SNRPN: variants seen among roughly 807,000 people sequenced by gnomAD.
SNRPN encodes the protein small nuclear ribonucleoprotein-associated protein N.
In SNRPN, 7 loss-of-function variants were observed where a neutral mutation model predicts 25.2. That is an observed-to-expected ratio of 0.28 (90% CI 0.16 to 0.52). The LOEUF (loss-of-function observed/expected upper bound fraction) is 0.52, where lower values mean the gene tolerates loss of function less well. Among genes scored for constraint, SNRPN ranks in the 20% least tolerant of loss-of-function variants. The probability of loss-of-function intolerance (pLI) is 0.96; values close to 1 mark genes in which losing one functional copy is unlikely to be tolerated. For missense variants in SNRPN, 196 were observed against 322.5 expected, an observed-to-expected ratio of 0.61 and a Z score of 3.00; for synonymous variants, 124 against 110.6, an observed-to-expected ratio of 1.12 and a Z score of -0.76.
intron 2 of SNRPN, among the ~76,000 whole-genome samples, chr15:24,901,543 C>G (rs1028347267): frequency 6.6e-6 from 1 of 152,132 alleles, no homozygotes; most frequent in East Asian, 1.9e-4. Flanking sequence ...AGAATGTCAT[C>G]GTGTTCTACC....
At chr15:24,866,230 A>G (rs113957713) in intron 1 of SNRPN, among the ~76,000 whole-genome samples, 1 of 151,802 alleles carries the variant, frequency 6.6e-6, no homozygotes, top group African/African-American at 2.4e-5. Flanking sequence ...TTCAGTTAAT[A>G]TGTCTCCATT....
chr15:24,847,713 C>A lies in SNRPN; in HGVS notation c.-579+17808C>A, dbSNP rs1298036409. ...ATAACCATTCCCAGTAAACACTCAG[C>A]GAGTCCTGGCCCATGCCCACTTTTC... On this transcript the variant is annotated intron_variant, in intron 2 of 12. Transcript: ENST00000400100. 2.0e-5 allele frequency among the ~76,000 whole-genome samples: 3 copies of A among 152,160 alleles called. 1 individual carries two copies. The highest frequency in any genetic ancestry group is 4.4e-5 in the Non-Finnish European group (3 of 68,034).
At chr15:24,889,907 G>T (rs1364712486) in intron 2 of SNRPN, among the ~76,000 whole-genome samples, 1 of 151,540 alleles carries the variant, frequency 6.6e-6, no homozygotes, top group Non-Finnish European at 1.5e-5. Flanking sequence ...AAAATTAGCC[G>T]GGTGTGGTGG....
chr15:24,905,800 T>C (rs2058761148), intron 2 of SNRPN, among the ~76,000 whole-genome samples: 1 of 152,112 alleles, frequency 6.6e-6, no homozygotes, highest in Non-Finnish European at 1.5e-5. Flanking sequence ...CTTTAGATGG[T>C]GAAGTTAGGA....
At chr15:24,901,494 C>A (rs1036664244) in intron 2 of SNRPN, among the ~76,000 whole-genome samples, 3 of 152,110 alleles carry the variant, frequency 2.0e-5, no homozygotes, top group African/African-American at 7.2e-5. Context: ...ACCACACGGA[C>A]CATGAAAAGA....
intron 2 of SNRPN, among the ~76,000 whole-genome samples, chr15:24,903,879 C>A (rs1049470204): frequency 6.6e-6 from 1 of 151,826 alleles, no homozygotes; most frequent in Non-Finnish European, 1.5e-5. Context: ...CAAAAACATA[C>A]AAAAAATTGC....
upstream of SNRPN, among the ~76,000 whole-genome samples, chr15:24,949,993 T>TA (rs980606378): frequency 5.0e-4 from 76 of 151,384 alleles, no homozygotes; most frequent in Non-Finnish European, 1.0e-3. Context: ...CCTAACTAAT[T>TA]AAAAAAAAAT....
chr15:24,954,924 G>A (rs548549485), upstream of SNRPN: 2 of 1,418,214 alleles, frequency 1.4e-6, no homozygotes, highest in East Asian at 2.4e-5. Context: ...CGCAGAGGCA[G>A]GCTGGCGCGC....
chr15:24,915,962 G>T (rs1173034333), intron 2 of SNRPN, among the ~76,000 whole-genome samples: 2 of 142,436 alleles, frequency 1.4e-5, no homozygotes, highest in East Asian at 4.2e-4. Context: ...TTTTTGGCCA[G>T]GTTGACTTTT....
At chr15:24,867,369 T>C (rs2054663184) in intron 1 of SNRPN, among the ~76,000 whole-genome samples, 2 of 145,294 alleles carry the variant, frequency 1.4e-5, no homozygotes, top group Non-Finnish European at 3.0e-5. Context: ...TCTTTATATT[T>C]AAATAAGTTT....
chr15:24,928,966 A>G (rs891109487), intron 3 of SNRPN, among the ~76,000 whole-genome samples: 1 of 152,038 alleles, frequency 6.6e-6, no homozygotes, highest in African/African-American at 2.4e-5. Context: ...TTCCAAGCTC[A>G]TGTTGTATCT....
At chr15:24,851,441 C>G (rs2145739162) in intron 2 of SNRPN, 1 of 152,996 alleles carries the variant, frequency 6.5e-6, no homozygotes, top group South Asian at 2.1e-4. Flanking sequence ...AGCAGTGAAT[C>G]TGGCAAACAG....
intron 2 of SNRPN, among the ~76,000 whole-genome samples, chr15:24,963,393 G>T (rs142905589): frequency 1.5e-3 from 233 of 152,130 alleles, no homozygotes; most frequent in African/African-American, 5.3e-3. Flanking sequence ...AAGCCAGGCG[G>T]ATCACAAGGT....
At chr15:24,836,152 C>T (rs2051165032) in intron 2 of SNRPN, among the ~76,000 whole-genome samples, 1 of 152,026 alleles carries the variant, frequency 6.6e-6, no homozygotes, top group Admixed American at 6.6e-5. Flanking sequence ...TCTTCCTTCC[C>T]CTGTGCTTGC....
intron 3 of SNRPN, among the ~76,000 whole-genome samples, chr15:24,923,928 T>A (rs1462051691): frequency 0.031 from 3,015 of 97,688 alleles, 77 homozygotes; most frequent in Middle Eastern, 0.067. Context: ...TAAACATTTT[T>A]TTTTTTTTTT....
chr15:24,831,687 G>A (rs920047598), intron 2 of SNRPN, among the ~76,000 whole-genome samples: 5 of 151,876 alleles, frequency 3.3e-5, no homozygotes, highest in Non-Finnish European at 7.4e-5. Flanking sequence ...ATATAAATGA[G>A]CTTTTTTAGA....
chr15:24,863,744 A>G (rs994572836), intron 1 of SNRPN, among the ~76,000 whole-genome samples: 1 of 150,688 alleles, frequency 6.6e-6, no homozygotes, highest in Non-Finnish European at 1.5e-5. Flanking sequence ...CCACCCCTGC[A>G]TGTTCATAAG....
Position 24,929,311 on chromosome 15 carries a change from C to T in SNRPN, c.-391+9187C>T, listed in dbSNP as rs886840603. 6.6e-6 allele frequency among the ~76,000 whole-genome samples: 1 copy of T among 152,150 alleles called. No individual in the cohort carries two copies. The highest frequency in any genetic ancestry group is 1.5e-5 in the Non-Finnish European group (1 of 68,030). The stretch of plus-strand genomic sequence containing the variant: ...GAACCCTCTCTCCCAGTGAGTGTCA[C>T]CCCATTTCTGTTTCATCTCTTTCCC... On this transcript the variant is annotated intron_variant, in intron 3 of 11. Coordinates refer to the SNRPN transcript ENST00000400097. This position sits in a 1 kb window ranked among gnomAD's most constrained non-coding sequence, Gnocchi z 5.3.
intron 2 of SNRPN, among the ~76,000 whole-genome samples, chr15:24,888,451 C>T (rs1028750977): frequency 3.3e-5 from 5 of 152,188 alleles, no homozygotes; most frequent in African/African-American, 7.2e-5. Flanking sequence ...TATTCCTACA[C>T]AACATCAGTT....
Sources: allele counts gnomAD v4.1 joint callset (sites outside exome capture counted in the v4.1 genomes callset), GRCh38; gene constraint gnomAD v4.1.1; non-coding constraint Gnocchi (gnomAD v3.1); transcripts MANE v1.5; gene names NCBI Gene and HGNC (gene_info 2026-07-23, HGNC 2026-07-21).